ERC2: variants seen among roughly 807,000 people sequenced by gnomAD.
ERC2 encodes the protein ELKS/RAB6-interacting/CAST family member 2.
A neutral mutation model predicts 114.8 loss-of-function variants in ERC2; 42 were observed. That is an observed-to-expected ratio of 0.37 (90% CI 0.29 to 0.47). The LOEUF is 0.47. Among genes scored for constraint, ERC2 ranks in the 20% least tolerant of loss-of-function variants. The probability of loss-of-function intolerance (pLI) is 0.99; values close to 1 mark genes in which losing one functional copy is unlikely to be tolerated. For missense variants in ERC2, 939 were observed against 1,150.7 expected (o/e 0.82, Z 2.66); for synonymous variants, 454 against 425.5 (o/e 1.07, Z -0.82).
chr3:56,285,379 G>C (rs530558794), intron 3 of ERC2, among the ~76,000 whole-genome samples: 1 of 151,706 alleles, frequency 6.6e-6, no homozygotes, highest in African/African-American at 2.4e-5. Flanking sequence ...AGTGCTAATT[G>C]CATCTAGTAA....
intron 3 of ERC2, among the ~76,000 whole-genome samples, chr3:56,233,723 C>T (rs2050773055): frequency 6.6e-6 from 1 of 152,130 alleles, no homozygotes; most frequent in Non-Finnish European, 1.5e-5. Context: ...GGCTGCATTC[C>T]TTGTGAAGGC....
At position 56,115,667 on chromosome 3, in the gene ERC2, T is replaced by C. The variant is rs529757586; in HGVS notation, c.1473+23842A>G. Among the ~76,000 whole-genome samples the C allele has an allele frequency of 3.9e-5, 6 of 152,288 alleles. No individual in the cohort carries two copies. In the South Asian group the frequency reaches 1.0e-3, roughly 26 times the overall value. ...TTGCATTATCAAGGACCTGAGTGTA[T>C]GAATCATGCCTTTTTTTCAGTGTTT... is the stretch of plus-strand genomic sequence containing the variant. On this transcript the variant is annotated intron_variant, in intron 6 of 17. Transcript: ENST00000288221.
chr3:56,120,148 G>T (rs2079492729), intron 6 of ERC2, among the ~76,000 whole-genome samples: 1 of 152,076 alleles, frequency 6.6e-6, no homozygotes, highest in Non-Finnish European at 1.5e-5. Context: ...GAGAGAGAGA[G>T]AGATTCTACC....
At chr3:55,563,511 GT>G (rs1195510506) in intron 17 of ERC2, among the ~76,000 whole-genome samples, 2 of 152,214 alleles carry the variant, frequency 1.3e-5, no homozygotes, top group Non-Finnish European at 2.9e-5. Context: ...TCTGGTCACA[GT>G]GATGGGTTCA....
At chr3:55,626,217 T>C (rs781326085) in intron 17 of ERC2, among the ~76,000 whole-genome samples, 4 of 152,200 alleles carry the variant, frequency 2.6e-5, no homozygotes, top group Non-Finnish European at 5.9e-5. Context: ...GCCCTGAGCA[T>C]GCCAGCCTTT....
At chr3:56,036,059 T>C (rs2074779905) in intron 7 of ERC2, among the ~76,000 whole-genome samples, 1 of 152,042 alleles carries the variant, frequency 6.6e-6, no homozygotes, top group Non-Finnish European at 1.5e-5. Context: ...GTTCAACATA[T>C]GCAAATCAAT....
Position 56,233,269 on chromosome 3 carries a change from C to T in ERC2, c.1075-59749G>A, listed in dbSNP as rs1045216726. On this transcript the variant is annotated intron_variant, in intron 3 of 17. Coordinates refer to ENST00000288221, the MANE Select transcript of ERC2 (RefSeq NM_015576.3). ...TTTTGGTCACCATTGTATTAATTTC[C>T]TATTGCTGCTGTTACAAATTACCAT... 1.8e-4 allele frequency among the ~76,000 whole-genome samples: 28 copies of T among 152,204 alleles called. 1 individual carries two copies. The highest frequency in any genetic ancestry group is 1.6e-3 in the Admixed American group (25 of 15,284).
At chr3:56,424,896 G>A (rs920195105) in intron 2 of ERC2, among the ~76,000 whole-genome samples, 1 of 152,150 alleles carries the variant, frequency 6.6e-6, no homozygotes, top group Non-Finnish European at 1.5e-5. Context: ...TAACATTGGG[G>A]AAAACACACA....
At chr3:56,157,924 A>G (rs1049495513) in intron 4 of ERC2, among the ~76,000 whole-genome samples, 1 of 152,132 alleles carries the variant, frequency 6.6e-6, no homozygotes, top group South Asian at 2.1e-4. Context: ...TTGACTTCTC[A>G]ACCCTGCTGG....
intron 16 of ERC2, among the ~76,000 whole-genome samples, chr3:55,698,143 G>A (rs1440238597): frequency 2.0e-5 from 3 of 151,952 alleles, no homozygotes; most frequent in Non-Finnish European, 2.9e-5. Context: ...TGCCCTGTCT[G>A]TACTTGGCTT....
At chr3:55,799,729 C>A (rs1350329035) in intron 14 of ERC2, among the ~76,000 whole-genome samples, 1 of 151,930 alleles carries the variant, frequency 6.6e-6, no homozygotes, top group Non-Finnish European at 1.5e-5. Flanking sequence ...GTGGGAGTGG[C>A]CCCTCTCACG....
At chr3:56,057,519 T>G (rs991230667) in intron 7 of ERC2, among the ~76,000 whole-genome samples, 1 of 152,228 alleles carries the variant, frequency 6.6e-6, no homozygotes, top group Non-Finnish European at 1.5e-5. Flanking sequence ...TGTTCTGGCA[T>G]AGCTGCATGG....
intron 2 of ERC2, among the ~76,000 whole-genome samples, chr3:56,360,367 T>C (rs558399914): frequency 6.6e-6 from 1 of 152,250 alleles, no homozygotes; most frequent in Non-Finnish European, 1.5e-5. Context: ...CTTCTACTTC[T>C]CTAGACTCTG....
intron 12 of ERC2, among the ~76,000 whole-genome samples, chr3:55,976,402 T>G (rs1463329452): frequency 6.6e-6 from 1 of 152,186 alleles, no homozygotes. Context: ...ACTGCCTTGA[T>G]GACTCACATT....
At chr3:56,228,370 C>A (rs2050388443) in intron 3 of ERC2, among the ~76,000 whole-genome samples, 1 of 152,172 alleles carries the variant, frequency 6.6e-6, no homozygotes, top group African/African-American at 2.4e-5. Flanking sequence ...TCATGTCCTA[C>A]CCTTGTACCA....
intron 1 of ERC2, among the ~76,000 whole-genome samples, chr3:56,442,827 C>T (rs116633999): frequency 0.034 from 5,182 of 152,292 alleles, 144 homozygotes; most frequent in Non-Finnish European, 0.049. Context: ...AGCTTAACTC[C>T]CACTGTTGAA....
At chr3:55,703,289 C>T (rs776824640) in intron 15 of ERC2, among the ~76,000 whole-genome samples, 4 of 152,248 alleles carry the variant, frequency 2.6e-5, no homozygotes, top group Non-Finnish European at 5.9e-5. Flanking sequence ...CTGCTAGTTA[C>T]TTCCAGAGTT....
chr3:56,359,444 T>C (rs1368330611), intron 2 of ERC2, among the ~76,000 whole-genome samples: 1 of 152,246 alleles, frequency 6.6e-6, no homozygotes, highest in Non-Finnish European at 1.5e-5. Flanking sequence ...AAACAAACTC[T>C]GTCAGCTGCT....
intron 8 of ERC2, among the ~76,000 whole-genome samples, chr3:56,014,691 GA>G (rs555494446): frequency 2.7e-5 from 4 of 149,420 alleles, no homozygotes; most frequent in South Asian, 2.1e-4. Flanking sequence ...ATAGGGTCCA[GA>G]AAAAAAAATA....
Sources: allele counts gnomAD v4.1 joint callset (sites outside exome capture counted in the v4.1 genomes callset), GRCh38; gene constraint gnomAD v4.1.1; transcripts MANE v1.5; gene names NCBI Gene and HGNC (gene_info 2026-07-23, HGNC 2026-07-21).